The following TBC1D12 variants were observed in gnomAD, a reference collection of about 807,000 sequenced individuals.
TBC1D12 encodes TBC1 domain family member 12, also known as TBC1 domain family, member 12.
In TBC1D12, 56 loss-of-function variants were observed where a neutral mutation model predicts 86.7. That is an observed-to-expected ratio of 0.65 (90% confidence interval 0.52 to 0.81). The LOEUF is 0.81. Among genes scored for constraint, TBC1D12 ranks in the 30% least tolerant of loss-of-function variants. The probability of loss-of-function intolerance (pLI) is 0.00; values close to 1 mark genes in which losing one functional copy is unlikely to be tolerated. For missense variants in TBC1D12, 1,023 were observed against 1,038.8 expected, an observed-to-expected ratio of 0.98 and a Z score of 0.21; for synonymous variants, 421 against 411.7, an observed-to-expected ratio of 1.02 and a Z score of -0.27.
chr10:94,427,833 C>CAAAA (rs71031576), intron 1 of TBC1D12, among the ~76,000 whole-genome samples: 222 of 66,416 alleles, frequency 3.3e-3, no homozygotes, highest in Admixed American at 7.9e-3. Flanking sequence ...CCCTGTCTCA[C>CAAAA]AAAAAAAAAA....
At chr10:94,405,935 C>T (rs1416725661) in intron 1 of TBC1D12, among the ~76,000 whole-genome samples, 1 of 151,964 alleles carries the variant, frequency 6.6e-6, no homozygotes, top group South Asian at 2.1e-4. Context: ...CTCAGCCTCC[C>T]AAGTAGCTGG....
intron 11 of TBC1D12, among the ~76,000 whole-genome samples, chr10:94,522,959 G>T (rs974456474): frequency 1.3e-5 from 2 of 148,898 alleles, no homozygotes; most frequent in African/African-American, 5.0e-5. Flanking sequence ...CAGGAGAATC[G>T]CTTGAACCCA....
At chr10:94,426,836 A>C (rs1380153960) in intron 1 of TBC1D12, among the ~76,000 whole-genome samples, 2 of 152,170 alleles carry the variant, frequency 1.3e-5, no homozygotes, top group Non-Finnish European at 2.9e-5. Flanking sequence ...TCGGCCTTGC[A>C]AAGTGCTGGG....
chr10:94,489,112 T>C (rs971025360), intron 3 of TBC1D12, among the ~76,000 whole-genome samples: 4 of 152,178 alleles, frequency 2.6e-5, no homozygotes, highest in African/African-American at 9.7e-5. Context: ...CTAGACTGTC[T>C]TTCAAGTTCA....
chr10:94,414,277 T>C (rs1000836160), intron 1 of TBC1D12, among the ~76,000 whole-genome samples: 1 of 152,164 alleles, frequency 6.6e-6, no homozygotes, highest in African/African-American at 2.4e-5. Flanking sequence ...AAGAAGATGA[T>C]AAAGAAAATT....
chr10:94,417,663 A>AT (rs2055016451), intron 1 of TBC1D12, among the ~76,000 whole-genome samples: 1 of 152,146 alleles, frequency 6.6e-6, no homozygotes, highest in Non-Finnish European at 1.5e-5. Context: ...CTGGGACAGT[A>AT]TACTTATCAG....
chr10:94,478,431 A>G (rs1160513231), intron 3 of TBC1D12, among the ~76,000 whole-genome samples: 2 of 152,118 alleles, frequency 1.3e-5, no homozygotes, highest in African/African-American at 4.8e-5. Flanking sequence ...AATGTAGGCC[A>G]GGCGTGGTGG....
chr10:94,466,963 C>T (rs1233801742), intron 2 of TBC1D12, among the ~76,000 whole-genome samples: 1 of 151,806 alleles, frequency 6.6e-6, no homozygotes, highest in Non-Finnish European at 1.5e-5. Context: ...GAGTACTGGT[C>T]TATTATTTTC....
intron 4 of TBC1D12, among the ~76,000 whole-genome samples, chr10:94,495,848 A>C (rs1363697188): frequency 6.6e-6 from 1 of 152,170 alleles, no homozygotes; most frequent in Non-Finnish European, 1.5e-5. Flanking sequence ...TCACGCCTAT[A>C]ACCCCAGCAC....
chr10:94,480,252 G>A (rs2056057492), intron 3 of TBC1D12, among the ~76,000 whole-genome samples: 1 of 152,140 alleles, frequency 6.6e-6, no homozygotes, highest in Non-Finnish European at 1.5e-5. Context: ...ATTTTTGGTG[G>A]TGTACTGGAG....
chr10:94,490,521 CTG>C (rs913776721), intron 3 of TBC1D12, among the ~76,000 whole-genome samples: 8 of 152,110 alleles, frequency 5.3e-5, no homozygotes, highest in African/African-American at 1.4e-4. Context: ...TATATTGTGA[CTG>C]TTGATTAATT....
intron 1 of TBC1D12, among the ~76,000 whole-genome samples, chr10:94,421,036 ATATTAT>A (rs1360384658): frequency 2.0e-5 from 3 of 152,252 alleles, no homozygotes; most frequent in South Asian, 2.1e-4. Flanking sequence ...TTTGAAATAT[ATATTAT>A]TATTAACTAT....
rs555188490 is a variant in TBC1D12, at chr10:94,439,970, C to G, written c.972-1926C>G. Among the ~76,000 whole-genome samples the G allele has an allele frequency of 2.0e-5, 3 of 152,192 alleles. No homozygotes were observed. The East Asian group carries it at 5.8e-4, about 29-fold the overall frequency. The stretch of plus-strand genomic sequence containing the variant: ...ATCCTTTGAGGCTTCAAATTTTTTT[C>G]TTAGAAGTATTCCTAGTCCTCAGCA... On this transcript the variant is annotated intron_variant, in intron 1 of 12. Transcript: ENST00000225235.
chr10:94,519,580 T>C (rs1296939831), intron 9 of TBC1D12, among the ~76,000 whole-genome samples: 1 of 152,172 alleles, frequency 6.6e-6, no homozygotes, highest in African/African-American at 2.4e-5. Flanking sequence ...AAGTTACTGT[T>C]TGACAATTCT....
intron 1 of TBC1D12, among the ~76,000 whole-genome samples, chr10:94,424,621 T>C (rs2055123190): frequency 6.6e-6 from 1 of 152,140 alleles, no homozygotes; most frequent in South Asian, 2.1e-4. Context: ...TTTTAAATTC[T>C]TTGAAAATAA....
At chr10:94,421,205 G>A in intron 1 of TBC1D12, among the ~76,000 whole-genome samples, 1 of 151,850 alleles carries the variant, frequency 6.6e-6, no homozygotes, top group Non-Finnish European at 1.5e-5. Flanking sequence ...CCTGGCCTCT[G>A]GTAACCACTA....
intron 2 of TBC1D12, among the ~76,000 whole-genome samples, chr10:94,470,690 C>CTTTTTTTTTTTTTT (rs35586245): frequency 2.1e-4 from 22 of 105,826 alleles, no homozygotes; most frequent in African/African-American, 5.8e-4. Flanking sequence ...ATTTGTAATT[C>CTTTTTTTTTTTTTT]TTTTTTTTTT....
rs775103714 is a variant in TBC1D12 at position 94,531,212 on chromosome 10, C to G, written c.2011C>G (p.Leu671Val). The G allele has an allele frequency of 6.2e-7, 1 of 1,613,264 alleles. No homozygotes were observed. Residue 671 changes from leucine to valine, a missense_variant, in exon 12 of 13, where the codon CTA (leucine) becomes GTA (valine). Leu to Val is a conservative substitution (Grantham distance 32). Transcript: ENST00000225235. ...DIYLIDWIFTLYSKSLPLDLA... is the reference protein window; with the variant it reads ...DIYLIDWIFTVYSKSLPLDLA... ...TCCCTCTAATTTTAGGATCTTCACA[C>G]TATATAGCAAATCACTACCACTTGA...
chr10:94,406,338 T>C (rs1358014825), intron 1 of TBC1D12, among the ~76,000 whole-genome samples: 1 of 152,128 alleles, frequency 6.6e-6, no homozygotes, highest in Admixed American at 6.6e-5. Context: ...TGCCCTAAAG[T>C]TAATTTCTCT....
Sources: allele counts gnomAD v4.1 joint callset (sites outside exome capture counted in the v4.1 genomes callset), GRCh38; gene constraint gnomAD v4.1.1; transcripts MANE v1.5; gene names NCBI Gene and HGNC (gene_info 2026-07-23, HGNC 2026-07-21).